RET: variants seen among roughly 807,000 people sequenced by gnomAD.
RET encodes ret proto-oncogene.
A neutral mutation model predicts 118.3 loss-of-function variants in RET; 19 were observed. That is an observed-to-expected ratio of 0.16 (90% confidence interval 0.11 to 0.24). RET has a LOEUF of 0.24. Ranked by LOEUF, RET falls within the 10% of genes least tolerant of loss-of-function variation. RET has a pLI of 1.00. For missense variants in RET, 1,219 were observed against 1,502.1 expected (o/e 0.81, Z 3.12); for synonymous variants, 597 against 644.1 (o/e 0.93, Z 1.11).
chr10:43,077,445 G>C (rs1035524226), intron 1 of RET, 114 bp downstream of exon 1: 147 of 1,292,886 alleles, frequency 1.1e-4, no homozygotes, highest in Non-Finnish European at 1.3e-4. Flanking sequence ...CGGGCTGTGC[G>C]GTCGCCGGCC....
chr10:43,126,814 GTCTGAACAAAACCAAAGTCTGC>G, intron 19 of RET, 92 bp downstream of exon 19: 3 of 1,546,342 alleles, frequency 1.9e-6, no homozygotes, highest in Non-Finnish European at 2.6e-6. Flanking sequence ...AATGTTTCTG[GTCTGAACAAAACCAAAGTCTGC>G]TCTGAACCTT....
intron 1 of RET, among the ~76,000 whole-genome samples, chr10:43,081,375 G>A (rs72781216): frequency 0.035 from 5,356 of 152,246 alleles, 115 homozygotes; most frequent in South Asian, 0.076. Context: ...AGGGAGCCTC[G>A]GCTCCTGCCC....
intron 1 of RET, among the ~76,000 whole-genome samples, chr10:43,097,755 G>A (rs1005022350): frequency 6.6e-6 from 1 of 152,202 alleles, no homozygotes; most frequent in Non-Finnish European, 1.5e-5. Flanking sequence ...CGTCTCACCT[G>A]TTCTCTTCCA....
chr10:43,092,275 C>T (rs1396503514), intron 1 of RET, among the ~76,000 whole-genome samples: 4 of 152,140 alleles, frequency 2.6e-5, no homozygotes, highest in Non-Finnish European at 5.9e-5. Flanking sequence ...TCGTCAAATT[C>T]GTGGAGACAG....
intron 14 of RET, 38 bp from the exon 15 acceptor site, chr10:43,120,043 G>A: frequency 6.2e-7 from 1 of 1,611,250 alleles, no homozygotes; most frequent in Non-Finnish European, 8.5e-7. Flanking sequence ...GCTGCTGCCT[G>A]GCCATGGCCT....
chr10:43,086,473 C>T (rs1247136966), intron 1 of RET, among the ~76,000 whole-genome samples: 2 of 152,168 alleles, frequency 1.3e-5, no homozygotes, highest in Non-Finnish European at 2.9e-5. Context: ...GGACAGTTGC[C>T]CAGGCCAGAG....
intron 18 of RET, 61 bp downstream of exon 18, chr10:43,125,043 C>T: frequency 6.7e-7 from 1 of 1,487,198 alleles, no homozygotes; most frequent in Non-Finnish European, 9.4e-7. Context: ...CCAGCCTCAC[C>T]CCAGGGCAGT....
intron 11 of RET, 96 bp from the exon 12 acceptor site, chr10:43,116,488 T>C (rs955056539): frequency 5.5e-5 from 81 of 1,459,582 alleles, no homozygotes; most frequent in Non-Finnish European, 7.8e-5. Flanking sequence ...TTGGAACTTG[T>C]CCATGGGGCC....
chr10:43,106,324 G>T lies in RET; in HGVS notation c.868-52G>T. On this transcript the variant is annotated intron_variant, in intron 4 of 19. Coordinates refer to ENST00000355710, the MANE Select transcript of RET (RefSeq NM_020975.6). This position sits in a 1 kb window ranked among gnomAD's most constrained non-coding sequence, Gnocchi z 5.1. ...ATTCTAAGGTCTCTGGTTTTGGGGG[G>T]TCTGAGGGGCCCATCTCGCCTGCAC... The T allele has an allele frequency of 6.4e-7, 1 of 1,566,386 alleles. No individual in the cohort carries two copies.
chr10:43,123,189 A>T (rs1325221113), intron 16 of RET, among the ~76,000 whole-genome samples: 3 of 152,088 alleles, frequency 2.0e-5, no homozygotes, highest in African/African-American at 7.3e-5. Flanking sequence ...TCACAGTTAA[A>T]ATGTTTTTCT....
intron 1 of RET, among the ~76,000 whole-genome samples, chr10:43,091,259 T>C (rs949403493): frequency 6.6e-6 from 1 of 152,042 alleles, no homozygotes; most frequent in Non-Finnish European, 1.5e-5. Flanking sequence ...AATTCATAGA[T>C]CTGATCAGTG....
chr10:43,111,291 A>C lies in RET; in HGVS notation c.1348A>C (p.Ser450Arg). The part of the protein sequence containing the change: ...YKLHSSGANC[S>R]TLGVVTSAED... ...GCTGCATTCCTCTGGTGCCAACTGC[A>C]GCACGCTAGGGGTGGTCACCTCAGC... The change falls in exon 7 of 20, where the codon AGC becomes CGC. Residue 450 changes from serine (S) to arginine (R), a missense_variant. Physicochemically the swap from Ser to Arg is moderately radical, Grantham distance 110. This residue lies in a region of RET where 850 missense variants were observed against 969.6 expected (regional missense o/e 0.88). Coordinates refer to ENST00000355710, the MANE Select transcript of RET (RefSeq NM_020975.6). The C allele has an allele frequency of 6.2e-7, 1 of 1,614,168 alleles. No individual in the cohort carries two copies. The highest frequency in any genetic ancestry group is 8.5e-7 in the Non-Finnish European group (1 of 1,180,030).
chr10:43,085,608 C>T (rs1246175275), intron 1 of RET, among the ~76,000 whole-genome samples: 3 of 152,166 alleles, frequency 2.0e-5, no homozygotes, highest in East Asian at 3.9e-4. Flanking sequence ...ATGAGGACCT[C>T]GGCTGAGAGG....
At chr10:43,113,140 G>T (rs1285065840) in intron 9 of RET, among the ~76,000 whole-genome samples, 177 bp downstream of exon 9, 2 of 152,176 alleles carry the variant, frequency 1.3e-5, no homozygotes, top group Non-Finnish European at 2.9e-5. Flanking sequence ...GTCAGGGACA[G>T]GGGGAAGGCA....
Position 43,077,208 on chromosome 10 carries a change from C to A in RET, c.-51C>A. ...GAGCGCCGCACCCGCCATCCAGACC[C>A]GCCGGCCCTAGCCGCAGTCCCTCCA... On this transcript the variant is annotated 5_prime_UTR_variant, in exon 1 of 20. Transcript: ENST00000355710. 6.9e-7 allele frequency: 1 copy of A among 1,456,588 alleles called. No homozygotes were observed. Among genetic ancestry groups the A allele is most frequent in the Non-Finnish European group, 9.0e-7 (1 of 1,105,296 alleles). The allele number at this position is 1,456,588 out of a possible 1,614,324, so 90.2% of individuals were successfully genotyped here. A position where few individuals can be genotyped will look rare whatever the true frequency, so the allele number is the denominator to read the frequency against.
chr10:43,112,364 A>G, intron 8 of RET, 140 bp downstream of exon 8: 1 of 1,294,736 alleles, frequency 7.7e-7, no homozygotes, highest in African/African-American at 1.5e-5. Flanking sequence ...GTGGCTCTCG[A>G]TGCCAGCATA....
chr10:43,100,353 A>G (rs972386936), intron 1 of RET, 106 bp from the exon 2 acceptor site: 67 of 1,367,722 alleles, frequency 4.9e-5, no homozygotes, highest in Non-Finnish European at 6.7e-5. Context: ...ACAGAGATGA[A>G]AAACTCCTGC....
Position 43,119,606 on chromosome 10 carries a change from GGC to G in RET, c.2469_2470del (p.Pro824TrpfsTer19). Reference sequence around the variant, plus strand: ...TTCCTCCGCGAGAGCCGCAAAGTGGGGCCTGGCTACCTGGGCAGTGGAGGCAG... The same window carrying G: ...TTCCTCCGCGAGAGCCGCAAAGTGGGCTGGCTACCTGGGCAGTGGAGGCAG... On this transcript the variant is annotated frameshift_variant, in exon 14 of 20. Coordinates refer to ENST00000355710, the MANE Select transcript of RET (RefSeq NM_020975.6). LOFTEE classifies it high-confidence loss of function. The G allele has an allele frequency of 1.9e-6, 3 of 1,612,696 alleles. No individual in the cohort carries two copies. In the South Asian group the frequency reaches 3.3e-5, roughly 18 times the overall value.
rs2133017433 is a variant in RET at position 43,124,941 on chromosome 10, G to A, written c.2998G>A (p.Asp1000Asn). The A allele has an allele frequency of 6.2e-7, 1 of 1,614,234 alleles. No individual in the cohort carries two copies. Among genetic ancestry groups the A allele is most frequent in the Non-Finnish European group, 8.5e-7 (1 of 1,180,048 alleles). The change falls in exon 18 of 20, where the codon GAC becomes AAC. Residue 1000 changes from aspartate (D) to asparagine (N), a missense_variant. Around this residue, in one of 5 missense-constraint regions of RET, gnomAD observed 174 missense variants for 179.3 expected, o/e 0.97. Transcript: ENST00000355710. The stretch of plus-strand genomic sequence containing the variant: ...GCCGGACAAAAGGCCGGTGTTTGCG[G>A]ACATCAGCAAAGACCTGGAGAAGAT... ...QEPDKRPVFA[D>N]ISKDLEKMMV... is the part of the protein sequence containing the mutation.
Sources: allele counts gnomAD v4.1 joint callset (sites outside exome capture counted in the v4.1 genomes callset), GRCh38; gene constraint gnomAD v4.1.1; regional missense constraint gnomAD v4.1.1; non-coding constraint Gnocchi (gnomAD v3.1); transcripts MANE v1.5; gene names NCBI Gene and HGNC (gene_info 2026-07-23, HGNC 2026-07-21).